CSMD1: variants seen among roughly 807,000 people sequenced by gnomAD.
CSMD1 encodes the protein CUB and sushi domain-containing protein 1.
A neutral mutation model predicts 417.5 loss-of-function variants in CSMD1; 213 were observed. That is an observed-to-expected ratio of 0.51 (90% CI 0.46 to 0.57). The LOEUF (loss-of-function observed/expected upper bound fraction) is 0.57. Among genes scored for constraint, CSMD1 ranks in the 20% least tolerant of loss-of-function variants. The pLI, the probability that CSMD1 is intolerant of heterozygous loss-of-function variation, is 0.00. For synonymous variants in CSMD1, 2,862 were observed against 1,736.8 expected (o/e 1.65, Z -16.11); for missense variants, 6,923 against 4,529.7 (o/e 1.53, Z -15.17).
chr8:3,963,712 C>G (rs532434518), intron 5 of CSMD1, among the ~76,000 whole-genome samples: 21 of 152,206 alleles, frequency 1.4e-4, no homozygotes, highest in African/African-American at 5.1e-4. Flanking sequence ...CGTAGACAAA[C>G]TGCAATAATT....
At chr8:4,142,691 G>T (rs1803863151) in intron 3 of CSMD1, among the ~76,000 whole-genome samples, 1 of 151,086 alleles carries the variant, frequency 6.6e-6, no homozygotes, top group Non-Finnish European at 1.5e-5. Flanking sequence ...GTTATTGGGT[G>T]GCTGAGGTTT....
chr8:3,214,666 G>C lies in CSMD1; in HGVS notation c.4698C>G (p.Asp1566Glu), dbSNP rs1347702441. The C allele has an allele frequency of 2.6e-6, 4 of 1,551,116 alleles. No individual in the cohort carries two copies. The East Asian group carries it at 7.3e-5, about 28-fold the overall frequency. The part of the protein sequence containing the change: ...FKEKPREACF[D>E]PGNIMNGTRV... Reference sequence around the variant, plus strand: ...TTGTCCCATTCATTATATTTCCTGGGTCAAAACAAGCTTCCCGTGGTTTCT... The same window carrying C: ...TTGTCCCATTCATTATATTTCCTGGCTCAAAACAAGCTTCCCGTGGTTTCT... Residue 1566 changes from aspartate to glutamate, a missense_variant, in exon 30 of 70, where the codon GAC becomes GAG. Coordinates refer to ENST00000635120, the MANE Select transcript of CSMD1 (RefSeq NM_033225.6).
At chr8:4,287,939 A>C (rs1631982) in intron 3 of CSMD1, among the ~76,000 whole-genome samples, 1 of 151,974 alleles carries the variant, frequency 6.6e-6, no homozygotes, top group Non-Finnish European at 1.5e-5. Flanking sequence ...TAGTTGCAAA[A>C]CTTTTCTCCA....
Position 2,966,716 on chromosome 8 carries a change from G to A in CSMD1, c.8954C>T (p.Thr2985Ile), listed in dbSNP as rs1177134580. ...ATCACTACTGACAATCATTCCGTTG[G>A]TGGGTGTGCCAGGGTTGCCACAGGA... ...AVSCGNPGTP[T>I]NGMIVSSDGI... is the part of the protein sequence containing the mutation. The change falls in exon 58 of 70, where the codon ACC becomes ATC. Residue 2985 changes from threonine to isoleucine, a missense_variant. By Grantham distance (89) the Thr-to-Ile change is moderately conservative. Transcript: ENST00000635120. The A allele has an allele frequency of 3.1e-6, 5 of 1,613,726 alleles. No individual in the cohort carries two copies. Among genetic ancestry groups the A allele is most frequent in the Admixed American group, 1.7e-5 (1 of 60,014 alleles).
At chr8:4,917,832 T>C (rs907055835) in intron 1 of CSMD1, among the ~76,000 whole-genome samples, 18 of 152,048 alleles carry the variant, frequency 1.2e-4, no homozygotes, top group Admixed American at 6.6e-5. Context: ...GTGGTTCAGA[T>C]GGAGGAGGAG....
rs147044401 is a variant in CSMD1 at position 4,060,311 on chromosome 8, T to A, written c.416-28212A>T. 1.3e-3 allele frequency among the ~76,000 whole-genome samples: 199 copies of A among 152,300 alleles called. 2 individuals carry two copies. Among genetic ancestry groups the A allele is most frequent in the African/African-American group, 4.7e-3 (194 of 41,562 alleles). On this transcript the variant is annotated intron_variant, in intron 3 of 69. Coordinates refer to ENST00000635120, the MANE Select transcript of CSMD1 (RefSeq NM_033225.6). ...ACGTATCTCAGAATAATAAGAGTTA[T>A]CTATGACAAACCCACAGCCGATATC...
chr8:4,567,355 C>G (rs968187549), intron 2 of CSMD1, among the ~76,000 whole-genome samples: 2 of 152,130 alleles, frequency 1.3e-5, no homozygotes, highest in Non-Finnish European at 2.9e-5. Flanking sequence ...GAAACATGCA[C>G]TTGGAAGAGA....
chr8:2,963,387 A>G lies in CSMD1; in HGVS notation c.9289T>C (p.Cys3097Arg). 6.2e-7 allele frequency: 1 copy of G among 1,613,822 alleles called. No individual in the cohort carries two copies. The highest frequency in any genetic ancestry group is 8.5e-7 in the Non-Finnish European group (1 of 1,179,728). ...TTCTGCACCGGCGGCGGCTGAGGAC[A>G]CAGCACGGCTATTTCCAAAGAACAA... ...PSKPVCKAVL[C>R]PQPPPVQNGT... The change falls in exon 60 of 70, where the codon TGT becomes CGT. Residue 3097 changes from cysteine to arginine, a missense_variant. Coordinates refer to ENST00000635120, the MANE Select transcript of CSMD1 (RefSeq NM_033225.6).
At chr8:4,091,368 G>A (rs1469538226) in intron 3 of CSMD1, among the ~76,000 whole-genome samples, 1 of 152,126 alleles carries the variant, frequency 6.6e-6, no homozygotes, top group African/African-American at 2.4e-5. Flanking sequence ...GTCCATGGAA[G>A]AAAATAAATA....
chr8:4,384,024 C>T (rs1315060906), intron 3 of CSMD1, among the ~76,000 whole-genome samples: 1 of 148,902 alleles, frequency 6.7e-6, no homozygotes, highest in Non-Finnish European at 1.5e-5. Flanking sequence ...CACCCCCCGC[C>T]TCATAACAGA....
At chr8:3,815,942 T>A (rs1483493284) in intron 5 of CSMD1, among the ~76,000 whole-genome samples, 2 of 152,200 alleles carry the variant, frequency 1.3e-5, no homozygotes, top group Admixed American at 6.5e-5. Flanking sequence ...TTCACTGGAC[T>A]AGAAATCTCA....
intron 3 of CSMD1, among the ~76,000 whole-genome samples, chr8:4,232,576 G>T (rs2074391733): frequency 6.6e-6 from 1 of 152,148 alleles, no homozygotes; most frequent in Non-Finnish European, 1.5e-5. Context: ...TGAGAAATGT[G>T]AATGACTCTT....
At position 3,219,397 on chromosome 8, in the gene CSMD1, C is replaced by T. The variant is rs375647255; in HGVS notation, c.4530G>A (p.Gly1510=). 1 of 1,562,026 alleles carries T rather than the reference C, an allele frequency of 6.4e-7. No individual in the cohort carries two copies. Among genetic ancestry groups the T allele is most frequent in the Non-Finnish European group, 8.7e-7 (1 of 1,153,402 alleles). The change falls in exon 29 of 70, where the codon GGG becomes GGA. Residue 1510 remains glycine, a synonymous_variant. Coordinates refer to ENST00000635120, the MANE Select transcript of CSMD1 (RefSeq NM_033225.6). ...PSYDFLHIYE[G]EDSNSPLIGS... The stretch of plus-strand genomic sequence containing the variant: ...CAATGAGGGGGCTGTTGGAATCTTC[C>T]CCTTCATAGATGTGTAGGAAGTCAT...
At chr8:4,264,327 A>G (rs1470266943) in intron 3 of CSMD1, among the ~76,000 whole-genome samples, 1 of 152,222 alleles carries the variant, frequency 6.6e-6, no homozygotes, top group Non-Finnish European at 1.5e-5. Flanking sequence ...TTCAATTTTC[A>G]GGAAAAATAC....
chr8:4,276,235 C>T (rs117699718), intron 3 of CSMD1, among the ~76,000 whole-genome samples: 21 of 152,132 alleles, frequency 1.4e-4, no homozygotes, highest in Admixed American at 2.0e-4. Context: ...TGCCCATCAA[C>T]GATAGACTGA....
At chr8:3,558,273 G>C (rs71521874) in intron 10 of CSMD1, among the ~76,000 whole-genome samples, 16 of 121,376 alleles carry the variant, frequency 1.3e-4, no homozygotes, top group Non-Finnish European at 2.5e-4. Context: ...CACTCCTCCA[G>C]TGATGAATGG....
intron 1 of CSMD1, among the ~76,000 whole-genome samples, chr8:4,735,652 G>A (rs774429832): frequency 3.2e-4 from 48 of 152,092 alleles, no homozygotes; most frequent in Non-Finnish European, 5.1e-4. Context: ...AAGCTAGCAC[G>A]CACTGATGTC....
intron 4 of CSMD1, among the ~76,000 whole-genome samples, chr8:4,022,157 T>A (rs181694939): frequency 1.5e-5 from 2 of 137,484 alleles, no homozygotes; most frequent in Non-Finnish European, 3.1e-5. Context: ...TATTTGTATA[T>A]ATATTAATAT....
At chr8:3,125,412 C>A (rs1009838761) in intron 41 of CSMD1, among the ~76,000 whole-genome samples, 1 of 152,114 alleles carries the variant, frequency 6.6e-6, no homozygotes, top group Non-Finnish European at 1.5e-5. Flanking sequence ...AAGCATTCAC[C>A]CTCATAAATG....
Sources: gnomAD v4.1 joint callset for allele counts (sites outside exome capture counted in the v4.1 genomes callset) on GRCh38, gnomAD v4.1.1 for gene constraint, MANE v1.5 for transcripts, NCBI Gene and HGNC (gene_info 2026-07-23, HGNC 2026-07-21) for gene names.